NR4A1: variants seen among roughly 807,000 people sequenced by gnomAD.
NR4A1 encodes nuclear receptor subfamily 4 group A member 1.
NR4A1 carries 24 observed loss-of-function variants against 47.5 expected under a neutral mutation model. The observed-to-expected ratio is 0.50, with a 90% CI of 0.37 to 0.71. The LOEUF (loss-of-function observed/expected upper bound fraction) is 0.71, where lower values mean the gene tolerates loss of function less well. Among genes scored for constraint, NR4A1 ranks in the 30% least tolerant of loss-of-function variants. The probability of loss-of-function intolerance (pLI) is 0.00; values close to 1 mark genes in which losing one functional copy is unlikely to be tolerated. For missense variants in NR4A1, 669 were observed against 788.6 expected, an observed-to-expected ratio of 0.85 and a Z score of 1.82; for synonymous variants, 353 against 345.7, an observed-to-expected ratio of 1.02 and a Z score of -0.24.
chr12:52,050,057 G>A (rs1309270622), upstream of NR4A1, among the ~76,000 whole-genome samples: 1 of 152,152 alleles, frequency 6.6e-6, no homozygotes, highest in African/African-American at 2.4e-5. Flanking sequence ...AATGGATGGG[G>A]GTCGCAGTGG....
At chr12:52,043,908 G>A in intron 2 of NR4A1, 1 of 1,289,260 alleles carries the variant, frequency 7.8e-7, no homozygotes. Flanking sequence ...TGAGGAGGAA[G>A]CTGGTGAGTC....
At chr12:52,030,415 TTTTA>T (rs933993162) in intron 1 of NR4A1, among the ~76,000 whole-genome samples, 1 of 152,136 alleles carries the variant, frequency 6.6e-6, no homozygotes, top group African/African-American at 2.4e-5. Flanking sequence ...TTACTTAACC[TTTTA>T]TTTATTTTTT....
intron 1 of NR4A1, among the ~76,000 whole-genome samples, chr12:52,034,023 A>G (rs1057107618): frequency 6.6e-6 from 1 of 152,080 alleles, no homozygotes; most frequent in African/African-American, 2.4e-5. Flanking sequence ...ATGGAAGGGC[A>G]CCTGGGGAGG....
upstream of NR4A1, among the ~76,000 whole-genome samples, chr12:52,050,247 T>A (rs2641522): frequency 0.14 from 21,372 of 152,180 alleles, 2,151 homozygotes; most frequent in African/African-American, 0.29. Context: ...GGGCTGTTCC[T>A]CACTCCACCG....
upstream of NR4A1, chr12:52,051,301 C>G (rs976260299): frequency 3.2e-6 from 2 of 631,440 alleles, no homozygotes; most frequent in Non-Finnish European, 2.0e-6. Flanking sequence ...CGCACCTCCC[C>G]CTGGCCGCCT....
intron 1 of NR4A1, chr12:52,038,155 C>T (rs1364547423): frequency 2.4e-6 from 2 of 831,988 alleles, no homozygotes; most frequent in African/African-American, 3.7e-5. Context: ...ATCTCCGTCT[C>T]CCGGGTTCAA....
At chr12:52,034,455 G>A (rs1205051862) in intron 1 of NR4A1, among the ~76,000 whole-genome samples, 5 of 152,190 alleles carry the variant, frequency 3.3e-5, no homozygotes, top group Non-Finnish European at 7.3e-5. Flanking sequence ...CCTCTGCTCC[G>A]ACTCCCTGGG....
At chr12:52,033,742 GC>G (rs1938181221) in intron 1 of NR4A1, among the ~76,000 whole-genome samples, 1 of 152,150 alleles carries the variant, frequency 6.6e-6, no homozygotes, top group Non-Finnish European at 1.5e-5. Flanking sequence ...TATTTTTTCG[GC>G]CCTTAAATTG....
intron 1 of NR4A1, among the ~76,000 whole-genome samples, chr12:52,039,141 C>A (rs1001298515): frequency 6.6e-6 from 1 of 152,206 alleles, no homozygotes; most frequent in Non-Finnish European, 1.5e-5. Flanking sequence ...TAATAATAAT[C>A]CCTTCCTCAT....
intron 1 of NR4A1, among the ~76,000 whole-genome samples, chr12:52,032,692 G>A (rs187682723): frequency 5.3e-5 from 8 of 152,184 alleles, no homozygotes; most frequent in East Asian, 1.9e-4. Context: ...TCCAGCTTTC[G>A]GTACCTCTTT....
chr12:52,059,257 AAG>A lies in NR4A1; in HGVS notation c.*316_*317del. 3.5e-6 allele frequency: 1 copy of A among 281,870 alleles called. No individual in the cohort carries two copies. The highest frequency in any genetic ancestry group is 6.6e-6 in the Non-Finnish European group (1 of 151,994). 17.5% of individuals were successfully genotyped at this position (281,870 alleles called of 1,614,324 possible). ...CAGTGCTGCTGTAAATACAGGAAGA[AAG>A]AGCTTGAGGTGGGAGCGGGGCTGGG... On this transcript the variant is annotated 3_prime_UTR_variant, in exon 7 of 7. Coordinates refer to ENST00000394825, the MANE Select transcript of NR4A1 (RefSeq NM_173157.3).
intron 1 of NR4A1, among the ~76,000 whole-genome samples, chr12:52,029,621 G>A (rs923802953): frequency 4.6e-5 from 7 of 152,202 alleles, no homozygotes; most frequent in Non-Finnish European, 1.0e-4. Context: ...CAGGGAGGCT[G>A]AGGCTGCAAT....
At chr12:52,028,655 C>T (rs1357337276) in intron 1 of NR4A1, among the ~76,000 whole-genome samples, 2 of 152,138 alleles carry the variant, frequency 1.3e-5, no homozygotes, top group Non-Finnish European at 2.9e-5. Flanking sequence ...CCTGTAATCC[C>T]AGCACTTTGG....
At chr12:52,033,855 C>T (rs1470301575) in intron 1 of NR4A1, among the ~76,000 whole-genome samples, 2 of 152,242 alleles carry the variant, frequency 1.3e-5, no homozygotes, top group Non-Finnish European at 2.9e-5. Context: ...CAGCCCCTCT[C>T]CTTATTCAGG....
intron 1 of NR4A1, chr12:52,037,596 G>T (rs1166013494): frequency 1.0e-6 from 1 of 984,394 alleles, no homozygotes; most frequent in Non-Finnish European, 1.2e-6. Context: ...CAGCGGAACC[G>T]CTGGCTCCGA....
chr12:52,031,801 A>G (rs1460058303), intron 1 of NR4A1, among the ~76,000 whole-genome samples: 12 of 111,738 alleles, frequency 1.1e-4, no homozygotes, highest in Non-Finnish European at 2.1e-4. Flanking sequence ...TTTTTTTGAG[A>G]CGGAGTCTCG....
intron 2 of NR4A1, among the ~76,000 whole-genome samples, chr12:52,045,816 C>A (rs774417634): frequency 6.6e-6 from 1 of 152,210 alleles, no homozygotes; most frequent in African/African-American, 2.4e-5. Flanking sequence ...AGGGCTTGGG[C>A]AAGGGCCAGG....
intron 1 of NR4A1, among the ~76,000 whole-genome samples, chr12:52,041,144 G>C (rs1819783404): frequency 6.6e-6 from 1 of 152,148 alleles, no homozygotes; most frequent in South Asian, 2.1e-4. Context: ...ATATGTAGTA[G>C]ATATGTGTAT....
At chr12:52,038,811 TG>T in intron 1 of NR4A1, 1 of 749,616 alleles carries the variant, frequency 1.3e-6, no homozygotes, top group Non-Finnish European at 2.4e-6. Context: ...ATTCCTGTGC[TG>T]AGGCCTCTGC....
Sources: allele counts gnomAD v4.1 joint callset (sites outside exome capture counted in the v4.1 genomes callset), GRCh38; gene constraint gnomAD v4.1.1; transcripts MANE v1.5; gene names NCBI Gene and HGNC (gene_info 2026-07-23, HGNC 2026-07-21).